Variants in MDGA2 observed in about 807,000 individuals in gnomAD.
MDGA2 encodes the protein MAM domain containing glycosylphosphatidylinositol anchor 2, also known as MAM domain-containing glycosylphosphatidylinositol anchor protein 2.
MDGA2 carries 40 observed loss-of-function variants against 117.8 expected under a neutral mutation model. The observed-to-expected ratio is 0.34, with a 90% confidence interval of 0.26 to 0.44. MDGA2 has a LOEUF of 0.44. MDGA2 is among the 20% of genes least tolerant of loss of function. MDGA2 has a pLI of 1.00. For synonymous variants in MDGA2, 452 were observed against 439.0 expected (o/e 1.03, Z -0.37); for missense variants, 1,123 against 1,250.6 (o/e 0.90, Z 1.54).
intron 8 of MDGA2, among the ~76,000 whole-genome samples, chr14:47,021,996 A>G (rs1330996319): frequency 2.0e-5 from 3 of 152,228 alleles, no homozygotes; most frequent in African/African-American, 7.2e-5. Flanking sequence ...TGCAGTATCA[A>G]AAAACTGTAC....
chr14:46,969,311 A>G (rs878931392), intron 8 of MDGA2, among the ~76,000 whole-genome samples: 1 of 152,192 alleles, frequency 6.6e-6, no homozygotes, highest in Non-Finnish European at 1.5e-5. Flanking sequence ...TCTAGATCCC[A>G]GAGGAATCGC....
intron 10 of MDGA2, among the ~76,000 whole-genome samples, chr14:46,904,357 CAA>C (rs5808366): frequency 8.1e-4 from 60 of 73,842 alleles, no homozygotes; most frequent in Middle Eastern, 0.013. Context: ...GACTCTGTCT[CAA>C]AAAAAAAAAA....
intron 1 of MDGA2, among the ~76,000 whole-genome samples, chr14:47,650,465 C>A (rs577962719): frequency 1.3e-5 from 2 of 152,146 alleles, no homozygotes; most frequent in African/African-American, 2.4e-5. Context: ...TTCTCCATAT[C>A]TGTATGGGTT....
At chr14:47,050,762 T>C (rs565154871) in intron 7 of MDGA2, among the ~76,000 whole-genome samples, 32 of 152,120 alleles carry the variant, frequency 2.1e-4, no homozygotes, top group African/African-American at 5.3e-4. Flanking sequence ...TAGCATGATG[T>C]TGAATATGGT....
chr14:47,394,716 T>C (rs12147503), intron 1 of MDGA2, among the ~76,000 whole-genome samples: 39,875 of 152,090 alleles, frequency 0.26, 5,565 homozygotes, highest in Middle Eastern at 0.41. Context: ...AATGTGTGGA[T>C]TTATTCACAT....
chr14:47,042,648 C>A (rs1392359384), intron 7 of MDGA2, among the ~76,000 whole-genome samples: 1 of 152,048 alleles, frequency 6.6e-6, no homozygotes, highest in African/African-American at 2.4e-5. Flanking sequence ...AGTAGTTTTA[C>A]ATAGAAGCAA....
intron 2 of MDGA2, among the ~76,000 whole-genome samples, chr14:47,243,233 A>C (rs1013348347): frequency 6.0e-5 from 9 of 151,194 alleles, no homozygotes; most frequent in African/African-American, 2.2e-4. Context: ...ACTCTATCTA[A>C]CTAATCTGGT....
chr14:47,281,225 G>A (rs1888479156), intron 2 of MDGA2, among the ~76,000 whole-genome samples: 1 of 150,954 alleles, frequency 6.6e-6, no homozygotes, highest in Non-Finnish European at 1.5e-5. Context: ...TCTGGACAAG[G>A]TCTATCCATT....
At chr14:47,619,144 CACACACAGAT>C (rs1018259041) in intron 1 of MDGA2, among the ~76,000 whole-genome samples, 17 of 133,250 alleles carry the variant, frequency 1.3e-4, no homozygotes, top group African/African-American at 4.3e-4. Flanking sequence ...CACACACACA[CACACACAGAT>C]ACATTATCTA....
chr14:46,888,098 A>T (rs1165210849), intron 10 of MDGA2, among the ~76,000 whole-genome samples: 4 of 151,950 alleles, frequency 2.6e-5, no homozygotes, highest in African/African-American at 9.7e-5. Context: ...TATGTGTATT[A>T]AAAAAGCAAT....
At chr14:47,013,068 G>T (rs1385470546) in intron 8 of MDGA2, among the ~76,000 whole-genome samples, 1 of 152,116 alleles carries the variant, frequency 6.6e-6, no homozygotes, top group Non-Finnish European at 1.5e-5. Context: ...CCACCGGCCT[G>T]TGGCGATTTC....
chr14:47,189,679 T>C (rs1380872833), intron 3 of MDGA2, among the ~76,000 whole-genome samples: 1 of 152,184 alleles, frequency 6.6e-6, no homozygotes, highest in Non-Finnish European at 1.5e-5. Flanking sequence ...AATCCCATAA[T>C]TGTTTCCTAA....
intron 1 of MDGA2, among the ~76,000 whole-genome samples, chr14:47,332,395 A>T (rs1265821918): frequency 6.6e-6 from 1 of 152,006 alleles, no homozygotes; most frequent in Non-Finnish European, 1.5e-5. Flanking sequence ...AAACAACATT[A>T]AAACAATGGC....
intron 1 of MDGA2, among the ~76,000 whole-genome samples, chr14:47,475,959 T>C (rs1271530195): frequency 6.6e-6 from 1 of 152,204 alleles, no homozygotes; most frequent in East Asian, 1.9e-4. Context: ...CGTTTTCACC[T>C]ATGCAACAAA....
At chr14:47,247,306 A>ATTT (rs11312463) in intron 2 of MDGA2, among the ~76,000 whole-genome samples, 61 of 140,422 alleles carry the variant, frequency 4.3e-4, no homozygotes, top group African/African-American at 7.6e-4. Flanking sequence ...ATAGTTTCAT[A>ATTT]TTTTTTTTTT....
At chr14:46,943,476 T>G (rs1885067278) in intron 9 of MDGA2, among the ~76,000 whole-genome samples, 1 of 152,054 alleles carries the variant, frequency 6.6e-6, no homozygotes, top group South Asian at 2.1e-4. Context: ...CATCTGTTAC[T>G]TGGTGTATTT....
chr14:47,389,756 C>T (rs886070551), intron 1 of MDGA2, among the ~76,000 whole-genome samples: 1 of 152,084 alleles, frequency 6.6e-6, no homozygotes, highest in Non-Finnish European at 1.5e-5. Flanking sequence ...AGGGATTTCC[C>T]AGAGAGCTGT....
At chr14:47,450,694 A>G (rs1893223707) in intron 1 of MDGA2, among the ~76,000 whole-genome samples, 1 of 152,124 alleles carries the variant, frequency 6.6e-6, no homozygotes, top group Non-Finnish European at 1.5e-5. Context: ...AGCCTTTATA[A>G]TAACGGGGAA....
chr14:47,409,076 G>C (rs1318158138), intron 1 of MDGA2, among the ~76,000 whole-genome samples: 1 of 152,146 alleles, frequency 6.6e-6, no homozygotes. Context: ...CAGAAAGGCG[G>C]GGGGGACTGG....
Sources: gnomAD v4.1 joint callset for allele counts (sites outside exome capture counted in the v4.1 genomes callset) on GRCh38, gnomAD v4.1.1 for gene constraint, MANE v1.5 for transcripts, NCBI Gene and HGNC (gene_info 2026-07-23, HGNC 2026-07-21) for gene names.